Variants in PCNX2 observed in about 807,000 individuals in gnomAD.
PCNX2 encodes the protein pecanex-like protein 2.
PCNX2 carries 168 observed loss-of-function variants against 223.8 expected under a neutral mutation model. That is an observed-to-expected ratio of 0.75 (90% CI 0.66 to 0.85). The LOEUF (loss-of-function observed/expected upper bound fraction) is 0.85, where lower values mean the gene tolerates loss of function less well. Ranked by LOEUF, PCNX2 falls within the 40% of genes least tolerant of loss-of-function variation. The pLI, the probability that PCNX2 is intolerant of heterozygous loss-of-function variation, is 0.00. For missense variants in PCNX2, 2,507 were observed against 2,675.5 expected, an observed-to-expected ratio of 0.94 and a Z score of 1.39; for synonymous variants, 1,006 against 1,052.6, an observed-to-expected ratio of 0.96 and a Z score of 0.86.
chr1:233,093,131 A>G (rs1353259552), intron 22 of PCNX2, among the ~76,000 whole-genome samples: 2 of 152,190 alleles, frequency 1.3e-5, no homozygotes, highest in East Asian at 3.9e-4. Flanking sequence ...ATTTTTAAAA[A>G]TCATTAGAAG....
intron 14 of PCNX2, 133 bp downstream of exon 14, chr1:233,200,021 A>G: frequency 1.4e-6 from 1 of 715,310 alleles, no homozygotes; most frequent in East Asian, 3.0e-5. Flanking sequence ...ACCCAGACTG[A>G]TCCAAACTGA....
intron 10 of PCNX2, among the ~76,000 whole-genome samples, chr1:233,220,759 AAT>A (rs936234471): frequency 3.3e-5 from 5 of 152,184 alleles, no homozygotes; most frequent in Non-Finnish European, 7.3e-5. Flanking sequence ...AAAGAACCCG[AAT>A]CTAATGCTGA....
At chr1:233,213,816 CTTTTTTTTTT>C (rs71173256) in intron 12 of PCNX2, among the ~76,000 whole-genome samples, 13 of 65,270 alleles carry the variant, frequency 2.0e-4, no homozygotes, top group African/African-American at 4.5e-4. Context: ...CCAGTGCACT[CTTTTTTTTTT>C]TTTTTTTTTT....
At chr1:233,173,208 G>C (rs897856973) in intron 17 of PCNX2, among the ~76,000 whole-genome samples, 3 of 143,096 alleles carry the variant, frequency 2.1e-5, no homozygotes, top group African/African-American at 5.2e-5. Flanking sequence ...CTTCACTCTT[G>C]TTGCCCAGGC....
rs1352232715 is a variant in PCNX2, at chr1:233,000,240, T to C, written c.5328+65A>G. 1 of 1,464,806 alleles carries C rather than the reference T, an allele frequency of 6.8e-7. No individual in the cohort carries two copies. Among genetic ancestry groups the C allele is most frequent in the Non-Finnish European group, 9.6e-7 (1 of 1,045,356 alleles). 90.7% of individuals were successfully genotyped at this position (1,464,806 alleles called of 1,614,324 possible). ...GTCAGTGCCCCCCTGCCCACCACCA[T>C]TCTATTTCTTCTCAGATAGAGAGAC... On this transcript the variant is annotated intron_variant, in intron 30 of 33. Coordinates refer to ENST00000258229, the MANE Select transcript of PCNX2 (RefSeq NM_014801.4). The surrounding 1 kb of genome is among the most constrained non-coding windows in gnomAD (Gnocchi z 4.6).
chr1:233,104,303 G>A (rs1259530305), intron 21 of PCNX2, among the ~76,000 whole-genome samples: 1 of 151,938 alleles, frequency 6.6e-6, no homozygotes, highest in East Asian at 1.9e-4. Flanking sequence ...AAATATTAAA[G>A]TCACCTAAAA....
intron 1 of PCNX2, among the ~76,000 whole-genome samples, chr1:233,286,476 T>C (rs1661451428): frequency 6.6e-6 from 1 of 150,872 alleles, no homozygotes; most frequent in South Asian, 2.1e-4. Flanking sequence ...CCTCCTAGAG[T>C]GTGGTGGGGA....
intron 20 of PCNX2, among the ~76,000 whole-genome samples, chr1:233,136,381 A>G (rs762121562): frequency 6.6e-6 from 1 of 152,224 alleles, no homozygotes; most frequent in African/African-American, 2.4e-5. Flanking sequence ...TTATTTAAGA[A>G]GTACAAAATT....
chr1:233,204,939 T>G (rs1387991709), intron 13 of PCNX2, among the ~76,000 whole-genome samples: 6 of 152,216 alleles, frequency 3.9e-5, no homozygotes, highest in Non-Finnish European at 8.8e-5. Context: ...GAAATTGATT[T>G]AAAAATAAAA....
In PCNX2 at chr1:233,196,712, C is replaced by G. The variant is rs78087728; in HGVS notation, c.3066+2227G>C. On this transcript the variant is annotated intron_variant, in intron 15 of 33. Transcript: ENST00000258229. The stretch of plus-strand genomic sequence containing the variant: ...AAAACCTGACAGTACTAACTGTCAG[C>G]AAGAACCTAGAACACTTGGAAATCA... Among the ~76,000 whole-genome samples, 228 of 152,180 alleles carry G rather than the reference C, an allele frequency of 1.5e-3. 1 individual carries two copies. The East Asian group carries it at 0.028, about 19-fold the overall frequency.
In PCNX2 at chr1:233,252,365, A is replaced by G. The variant is rs749383321; in HGVS notation, c.2117T>C (p.Ile706Thr). The G allele has an allele frequency of 2.5e-6, 4 of 1,606,116 alleles. No homozygotes were observed. Among genetic ancestry groups the G allele is most frequent in the Non-Finnish European group, 3.4e-6 (4 of 1,175,166 alleles). ...EISVDAMHVFIDEHGEIRSCY... is the reference protein window; with the variant it reads ...EISVDAMHVFTDEHGEIRSCY... ...CTCCAAAGACTCACCATGTTCATCA[A>G]TGAAGACATGCATAGCATCCACAGA... Residue 706 changes from isoleucine (I) to threonine (T), a missense_variant, in exon 7 of 34, where the codon ATT becomes ACT. Ile to Thr is a moderately conservative substitution (Grantham distance 89). Transcript: ENST00000258229.
chr1:233,086,450 G>C, intron 23 of PCNX2, among the ~76,000 whole-genome samples: 1 of 151,964 alleles, frequency 6.6e-6, no homozygotes, highest in Non-Finnish European at 1.5e-5. Flanking sequence ...AAGGTCAGGA[G>C]ATCGAGACCA....
chr1:233,318,212 G>C, the PCNX2 span, among the ~76,000 whole-genome samples: 30 of 152,226 alleles, frequency 2.0e-4, no homozygotes, highest in African/African-American at 6.5e-4. Flanking sequence ...GAAATGGAAA[G>C]GTTTGGGGAA....
At chr1:233,235,957 A>ATATATATATATATATATATATAT (rs1553319645) in intron 9 of PCNX2, among the ~76,000 whole-genome samples, 23 of 93,088 alleles carry the variant, frequency 2.5e-4, no homozygotes, top group African/African-American at 9.0e-4. Flanking sequence ...CATAAAAAAA[A>ATATATATATATATATATATATAT]ATATATATAT....
At chr1:233,247,747 G>A (rs764679363) in intron 8 of PCNX2, among the ~76,000 whole-genome samples, 6 of 151,956 alleles carry the variant, frequency 3.9e-5, no homozygotes, top group Admixed American at 2.6e-4. Context: ...GCGTGGGGGC[G>A]GGCACCTGTA....
intron 8 of PCNX2, among the ~76,000 whole-genome samples, chr1:233,247,281 A>G (rs1245954643): frequency 1.3e-5 from 2 of 152,224 alleles, no homozygotes; most frequent in East Asian, 3.9e-4. Context: ...AGCACTGTAT[A>G]TGTCCTGTGA....
intron 23 of PCNX2, among the ~76,000 whole-genome samples, chr1:233,062,318 A>G (rs147378106): frequency 2.1e-3 from 316 of 152,242 alleles, no homozygotes; most frequent in Middle Eastern, 0.01. Flanking sequence ...TATTGAAGTT[A>G]CATTATGTTA....
the PCNX2 span, among the ~76,000 whole-genome samples, chr1:233,320,152 A>C: frequency 6.6e-6 from 1 of 152,210 alleles, no homozygotes; most frequent in Non-Finnish European, 1.5e-5. Context: ...GGAGTTGTAG[A>C]TTTACATGCA....
chr1:233,106,322 C>T (rs1470641740), intron 21 of PCNX2, among the ~76,000 whole-genome samples: 1 of 142,854 alleles, frequency 7.0e-6, no homozygotes, highest in East Asian at 2.0e-4. Flanking sequence ...TTCCTGGATT[C>T]TGTTGGGGGC....
Sources: allele counts gnomAD v4.1 joint callset (sites outside exome capture counted in the v4.1 genomes callset), GRCh38; gene constraint gnomAD v4.1.1; non-coding constraint Gnocchi (gnomAD v3.1); transcripts MANE v1.5; gene names NCBI Gene and HGNC (gene_info 2026-07-23, HGNC 2026-07-21).